Variants in PCDHA3 observed in about 807,000 individuals in gnomAD.
The protein encoded by PCDHA3 is protocadherin alpha 3.
In PCDHA3, 41 loss-of-function variants were observed where a neutral mutation model predicts 62.2. The ratio of observed to expected loss-of-function variants is 0.66; its 90% CI spans 0.51 to 0.86. The LOEUF (loss-of-function observed/expected upper bound fraction) is 0.86. Among genes scored for constraint, PCDHA3 ranks in the 40% least tolerant of loss-of-function variants. The pLI is 0.00. For synonymous variants in PCDHA3, 640 were observed against 555.4 expected (o/e 1.15, Z -2.14); for missense variants, 1,304 against 1,241.2 (o/e 1.05, Z -0.76).
chr5:140,844,367 A>C (rs1220676752), intron 1 of PCDHA3, among the ~76,000 whole-genome samples: 1 of 149,478 alleles, frequency 6.7e-6, no homozygotes, highest in Non-Finnish European at 1.5e-5. Context: ...GAGATTTGTA[A>C]TCCTTCTTTT....
At chr5:140,805,174 C>T (rs1328978883) in intron 1 of PCDHA3, 2 of 1,510,004 alleles carry the variant, frequency 1.3e-6, no homozygotes, top group African/African-American at 1.4e-5. Flanking sequence ...TGTACTGATG[C>T]TATGCCAAAT....
intron 1 of PCDHA3, chr5:140,861,550 T>G: frequency 2.4e-6 from 1 of 415,394 alleles, no homozygotes; most frequent in South Asian, 2.1e-5. Flanking sequence ...CACCTGGAAG[T>G]GATCGTGGAC....
rs545349225 is a variant in PCDHA3, at chr5:140,969,608, C to T, written c.2395-9341C>T. On this transcript the variant is annotated intron_variant, in intron 1 of 3. Coordinates refer to ENST00000522353, the MANE Select transcript of PCDHA3 (RefSeq NM_018906.3). ...AGTCTTAATATTTAATGCTAAAACA[C>T]AGATTTGTAGAGAAACAGGACAGGC... 646 of 747,324 alleles carry T rather than the reference C, an allele frequency of 8.6e-4. 1 individual carries two copies. Among genetic ancestry groups the T allele is most frequent in the Middle Eastern group, 3.2e-3 (8 of 2,532 alleles). The allele number at this position is 747,324 out of a possible 1,614,324, so 46.3% of individuals were successfully genotyped here. A position where few individuals can be genotyped will look rare whatever the true frequency, so the allele number is the denominator to read the frequency against.
intron 1 of PCDHA3, chr5:140,875,508 G>GC: frequency 6.2e-7 from 1 of 1,613,706 alleles, no homozygotes; most frequent in South Asian, 1.1e-5. Flanking sequence ...CGGGATCCCA[G>GC]CGTCTGCTGC....
chr5:140,897,540 A>C (rs1554187435), intron 1 of PCDHA3, among the ~76,000 whole-genome samples: 1 of 152,052 alleles, frequency 6.6e-6, no homozygotes, highest in Non-Finnish European at 1.5e-5. Flanking sequence ...ATGGCTGCAT[A>C]GTCTTCCATG....
rs1252863979 is a variant in PCDHA3, at chr5:140,839,702, T to C, written c.2394+36111T>C. Among the ~76,000 whole-genome samples the C allele has an allele frequency of 2.6e-5, 4 of 152,086 alleles. 1 individual carries two copies. Among genetic ancestry groups the C allele is most frequent in the Non-Finnish European group, 5.9e-5 (4 of 68,020 alleles). On this transcript the variant is annotated intron_variant, in intron 1 of 3. Transcript: ENST00000522353. ...CAGAGATTTTTTTGGGTAAATAATG[T>C]GATGACAAATTTAAATCATTTCACA...
At position 140,862,768 on chromosome 5, in the gene PCDHA3, G is replaced by C. The variant is rs1409687409; in HGVS notation, c.2394+59177G>C. The C allele has an allele frequency of 8.7e-6, 5 of 576,458 alleles. No individual in the cohort carries two copies. The African/African-American group carries it at 9.8e-5, about 11-fold the overall frequency. 35.7% of individuals were successfully genotyped at this position (576,458 alleles called of 1,614,324 possible). A position where few individuals can be genotyped will look rare whatever the true frequency, so the allele number is the denominator to read the frequency against. On this transcript the variant is annotated intron_variant, in intron 1 of 3. Transcript: ENST00000522353. ...GCACGCGGAGAGCGGCAAGAGGTAC[G>C]CGTTGCAGCCACTGGACTACGAGGA...
At position 140,850,380 on chromosome 5, in the gene PCDHA3, G is replaced by A. The variant is rs1554144242; in HGVS notation, c.2394+46789G>A. On this transcript the variant is annotated intron_variant, in intron 1 of 3. Transcript: ENST00000522353. ...CCCGTTCCGCGTGGGGCTGTACACG[G>A]GCGAGATCAGCACAACGCGTGCCCT... 2.5e-6 allele frequency: 4 copies of A among 1,597,780 alleles called. 1 individual carries two copies. Among genetic ancestry groups the A allele is most frequent in the East Asian group, 2.2e-5 (1 of 44,840 alleles).
intron 1 of PCDHA3, chr5:140,830,000 C>A: frequency 6.2e-7 from 1 of 1,613,984 alleles, no homozygotes; most frequent in South Asian, 1.1e-5. Context: ...CACTCGTGTC[C>A]TGGACGAAGC....
In PCDHA3 at chr5:140,823,556, G is replaced by C; in HGVS notation, c.2394+19965G>C. ...GCGGGCCACGTGGTGGCGAAGGTGC[G>C]CGCAGTGGACCCTGATTCGGGCTAC... On this transcript the variant is annotated intron_variant, in intron 1 of 3. Coordinates refer to ENST00000522353, the MANE Select transcript of PCDHA3 (RefSeq NM_018906.3). 6.2e-7 allele frequency: 1 copy of C among 1,613,890 alleles called. No homozygotes were observed. Among genetic ancestry groups the C allele is most frequent in the South Asian group, 1.1e-5 (1 of 91,064 alleles).
At chr5:140,947,530 CAATTTCTACAAAG>C (rs2094141786) in intron 1 of PCDHA3, among the ~76,000 whole-genome samples, 1 of 151,588 alleles carries the variant, frequency 6.6e-6, no homozygotes, top group African/African-American at 2.4e-5. Flanking sequence ...ATCAACTTTT[CAATTTCTACAAAG>C]AATTCCGCTG....
intron 1 of PCDHA3, among the ~76,000 whole-genome samples, chr5:140,947,689 G>A (rs1276078725): frequency 2.0e-5 from 3 of 151,490 alleles, no homozygotes; most frequent in African/African-American, 4.8e-5. Context: ...GTCTCAGCAT[G>A]TTCTGTAGTT....
chr5:140,925,409 G>T (rs2082484194), intron 1 of PCDHA3, among the ~76,000 whole-genome samples: 1 of 152,078 alleles, frequency 6.6e-6, no homozygotes, highest in Admixed American at 6.5e-5. Flanking sequence ...CCTTCTTAGG[G>T]AAAGGAACTG....
intron 1 of PCDHA3, chr5:140,967,843 T>G (rs782701780): frequency 6.2e-7 from 1 of 1,614,102 alleles, no homozygotes; most frequent in East Asian, 2.2e-5. Flanking sequence ...TGGACGTGAA[T>G]GACAATGCCC....
rs2098420479 is a variant in PCDHA3, at chr5:141,011,408, T to TAC, written c.*1472_*1473insCA. 6.5e-6 allele frequency: 1 copy of TAC among 153,814 alleles called. No individual in the cohort carries two copies. The highest frequency in any genetic ancestry group is 2.4e-5 in the African/African-American group (1 of 41,476). 9.5% of individuals were successfully genotyped at this position (153,814 alleles called of 1,614,324 possible). ...GAAATATACTTACTCTGTGCTTGTG[T>TAC]ATGTGAATGTTAATGCAACTATTAC... On this transcript the variant is annotated 3_prime_UTR_variant, in exon 4 of 4. Coordinates refer to ENST00000522353, the MANE Select transcript of PCDHA3 (RefSeq NM_018906.3).
intron 1 of PCDHA3, chr5:140,969,265 A>T: frequency 1.9e-6 from 3 of 1,614,250 alleles, no homozygotes; most frequent in Non-Finnish European, 2.5e-6. Flanking sequence ...GGAATCTCAC[A>T]GGCCAAAGTG....
intron 1 of PCDHA3, chr5:140,807,674 G>A (rs782061737): frequency 1.2e-6 from 2 of 1,614,206 alleles, no homozygotes; most frequent in South Asian, 2.2e-5. Context: ...TGCAGATATC[G>A]GGGAGAACGC....
At chr5:140,969,968 G>A (rs935403265) in intron 1 of PCDHA3, among the ~76,000 whole-genome samples, 2 of 152,200 alleles carry the variant, frequency 1.3e-5, no homozygotes, top group Non-Finnish European at 2.9e-5. Flanking sequence ...GCTGTATGAT[G>A]TGGCAACTCT....
intron 1 of PCDHA3, chr5:140,968,608 T>C: frequency 6.2e-7 from 1 of 1,614,242 alleles, no homozygotes; most frequent in South Asian, 1.1e-5. Context: ...ACTCAGACTC[T>C]GGGCAAAATG....
Sources: gnomAD v4.1 joint callset for allele counts (sites outside exome capture counted in the v4.1 genomes callset) on GRCh38, gnomAD v4.1.1 for gene constraint, MANE v1.5 for transcripts, NCBI Gene and HGNC (gene_info 2026-07-23, HGNC 2026-07-21) for gene names.